Variants in C21orf91 observed in about 807,000 individuals in gnomAD.
C21orf91 encodes protein EURL homolog.
In C21orf91, 26 loss-of-function variants were observed where a neutral mutation model predicts 32.9. The ratio of observed to expected loss-of-function variants is 0.79; its 90% CI spans 0.58 to 1.10. The LOEUF is 1.10. Among genes scored for constraint, C21orf91 ranks in the 50% least tolerant of loss-of-function variants. C21orf91 has a pLI of 0.00. For synonymous variants in C21orf91, 126 were observed against 120.4 expected, an observed-to-expected ratio of 1.05 and a Z score of -0.31; for missense variants, 310 against 341.3, an observed-to-expected ratio of 0.91 and a Z score of 0.72.
Position 17,790,622 on chromosome 21 carries a change from C to T in C21orf91, c.*2793G>A, listed in dbSNP as rs2062466053. ...TTGCTCCACCATTGTGCATAGTCAA[C>T]GACACAACAAAACACTATTCTGCTG... On this transcript the variant is annotated 3_prime_UTR_variant, in exon 5 of 5. Coordinates refer to ENST00000284881, the MANE Select transcript of C21orf91 (RefSeq NM_001100420.2). The T allele has an allele frequency of 2.0e-5, 3 of 152,006 alleles. No individual in the cohort carries two copies. The highest frequency in any genetic ancestry group is 2.1e-4 in the South Asian group (1 of 4,824). The allele number at this position is 152,006 out of a possible 1,614,324, so 9.4% of individuals were successfully genotyped here. A position where few individuals can be genotyped will look rare whatever the true frequency, so the allele number is the denominator to read the frequency against.
intron 2 of C21orf91, among the ~76,000 whole-genome samples, chr21:17,808,741 G>T (rs1333378522): frequency 1.3e-5 from 2 of 152,216 alleles, no homozygotes; most frequent in Non-Finnish European, 2.9e-5. Flanking sequence ...TTAAGTCTAT[G>T]AGGGACTGTT....
intron 2 of C21orf91, among the ~76,000 whole-genome samples, chr21:17,810,094 C>T (rs1475905625): frequency 1.3e-4 from 20 of 152,178 alleles, no homozygotes; most frequent in Admixed American, 1.3e-3. Flanking sequence ...AATGTAAATT[C>T]ACTCCAACCA....
intron 2 of C21orf91, among the ~76,000 whole-genome samples, chr21:17,800,151 C>A (rs946327189): frequency 1.3e-5 from 2 of 151,974 alleles, no homozygotes; most frequent in African/African-American, 4.8e-5. Context: ...AGAAAATATA[C>A]AAGAAGATGG....
intron 2 of C21orf91, among the ~76,000 whole-genome samples, chr21:17,809,201 T>C (rs2062617270): frequency 2.0e-5 from 3 of 152,220 alleles, no homozygotes; most frequent in African/African-American, 4.8e-5. Flanking sequence ...AAAATGTTGA[T>C]TTATCAGGAT....
intron 2 of C21orf91, among the ~76,000 whole-genome samples, chr21:17,805,806 T>G (rs887286994): frequency 1.3e-5 from 2 of 152,238 alleles, no homozygotes; most frequent in Admixed American, 6.5e-5. Flanking sequence ...CCTAAAGGAT[T>G]TAAGTGAATG....
chr21:17,812,200 A>G (rs1223823051), intron 2 of C21orf91, among the ~76,000 whole-genome samples: 3 of 152,280 alleles, frequency 2.0e-5, no homozygotes, highest in Non-Finnish European at 4.4e-5. Flanking sequence ...CTTATCACCA[A>G]TTAAGCCTAC....
chr21:17,814,479 G>A (rs998475448), intron 2 of C21orf91, among the ~76,000 whole-genome samples: 22 of 152,152 alleles, frequency 1.4e-4, no homozygotes, highest in East Asian at 5.8e-4. Context: ...AGAAATACCT[G>A]AGACAGGGTA....
At chr21:17,806,081 A>G (rs2062591844) in intron 2 of C21orf91, among the ~76,000 whole-genome samples, 1 of 152,212 alleles carries the variant, frequency 6.6e-6, no homozygotes, top group African/African-American at 2.4e-5. Flanking sequence ...TATTATGACA[A>G]AGCAAATTTA....
intron 2 of C21orf91, among the ~76,000 whole-genome samples, chr21:17,804,402 A>G (rs185950636): frequency 6.6e-6 from 1 of 152,346 alleles, no homozygotes; most frequent in African/African-American, 2.4e-5. Flanking sequence ...GTACTGTGAT[A>G]AAGAGTACCT....
chr21:17,817,667 A>T (rs966118220), intron 2 of C21orf91: 2 of 152,174 alleles, frequency 1.3e-5, no homozygotes, highest in African/African-American at 4.8e-5. Flanking sequence ...TATTAAAAAA[A>T]TTTTAAAAAC....
At chr21:17,800,352 A>C (rs1255920925) in intron 2 of C21orf91, among the ~76,000 whole-genome samples, 2 of 152,168 alleles carry the variant, frequency 1.3e-5, no homozygotes, top group Non-Finnish European at 2.9e-5. Context: ...AACACTGACT[A>C]CTTCATATAC....
At chr21:17,812,415 G>C (rs543162373) in intron 2 of C21orf91, among the ~76,000 whole-genome samples, 12 of 152,194 alleles carry the variant, frequency 7.9e-5, no homozygotes, top group Non-Finnish European at 1.8e-4. Context: ...GTTGGGAGGT[G>C]GGGTCTAATA....
chr21:17,796,686 A>G lies in C21orf91; in HGVS notation c.560T>C (p.Val187Ala). The G allele has an allele frequency of 6.2e-7, 1 of 1,613,910 alleles. No individual in the cohort carries two copies. The highest frequency in any genetic ancestry group is 8.5e-7 in the Non-Finnish European group (1 of 1,179,770). ...DSGATLCRNSVLWPHSHNQAQ... is the reference protein window; with the variant it reads ...DSGATLCRNSALWPHSHNQAQ... ...CTGGTTGTGACTATGAGGCCACAATACACTGTTACGACATAAAGTGGCACC... is the reference window on the plus strand; with the variant it reads ...CTGGTTGTGACTATGAGGCCACAATGCACTGTTACGACATAAAGTGGCACC... Residue 187 changes from valine to alanine, a missense_variant, in exon 3 of 5, where the codon GTA (valine) becomes GCA (alanine). Val to Ala is a moderately conservative substitution (Grantham distance 64). Transcript: ENST00000284881.
intron 3 of C21orf91, among the ~76,000 whole-genome samples, 190 bp from the exon 4 acceptor site, chr21:17,795,460 C>T (rs571301604): frequency 2.0e-5 from 3 of 152,254 alleles, no homozygotes; most frequent in Admixed American, 6.5e-5. Context: ...GACCACAACC[C>T]ATGGTAAGAA....
chr21:17,816,358 G>A (rs1249259833), intron 2 of C21orf91, among the ~76,000 whole-genome samples: 1 of 152,138 alleles, frequency 6.6e-6, no homozygotes, highest in Admixed American at 6.5e-5. Context: ...AAGCAATTAC[G>A]AAAATTTAGG....
intron 2 of C21orf91, among the ~76,000 whole-genome samples, chr21:17,799,213 C>T (rs2062542253): frequency 1.3e-5 from 2 of 152,118 alleles, no homozygotes; most frequent in South Asian, 4.1e-4. Context: ...TTCTGATGTA[C>T]TCTAGAGCTT....
chr21:17,815,691 G>A lies in C21orf91; in HGVS notation c.127+2501C>T, dbSNP rs1312949049. On this transcript the variant is annotated intron_variant, in intron 2 of 4. Transcript: ENST00000284881. The stretch of plus-strand genomic sequence containing the variant: ...TTTTTTTTTTTTGAGACAGAGTTTT[G>A]CTCTTGATGCCCAGGATGGAGTGCG... Among the ~76,000 whole-genome samples the A allele has an allele frequency of 2.0e-5, 3 of 148,522 alleles. No homozygotes were observed. In the East Asian group the frequency reaches 5.9e-4, roughly 29 times the overall value.
chr21:17,818,868 C>T (rs2062685219), intron 1 of C21orf91: 1 of 152,308 alleles, frequency 6.6e-6, no homozygotes, highest in African/African-American at 2.4e-5. Context: ...CCGGGGAGGG[C>T]GTCCCGCCGT....
intron 2 of C21orf91, chr21:17,809,073 TC>T: frequency 6.5e-6 from 1 of 154,604 alleles, no homozygotes; most frequent in Non-Finnish European, 1.4e-5. Flanking sequence ...TTCTGCGGCC[TC>T]CCCAGCCACG....
Sources: gnomAD v4.1 joint callset for allele counts (sites outside exome capture counted in the v4.1 genomes callset) on GRCh38, gnomAD v4.1.1 for gene constraint, MANE v1.5 for transcripts, NCBI Gene and HGNC (gene_info 2026-07-23, HGNC 2026-07-21) for gene names.